Variants in RUBCNL observed in about 807,000 individuals in gnomAD.
RUBCNL encodes the protein protein associated with UVRAG as autophagy enhancer.
Under a neutral mutation model 69.5 loss-of-function variants are expected in RUBCNL, and 62 were observed. The ratio of observed to expected loss-of-function variants is 0.89; its 90% CI spans 0.73 to 1.10. The LOEUF is 1.10. Ranked by LOEUF, RUBCNL falls within the 50% of genes least tolerant of loss-of-function variation. The pLI is 0.00. For synonymous variants in RUBCNL, 291 were observed against 303.6 expected (o/e 0.96, Z 0.43); for missense variants, 768 against 798.1 (o/e 0.96, Z 0.45).
chr13:46,348,937 A>C (rs2048310063), intron 12 of RUBCNL, among the ~76,000 whole-genome samples: 1 of 151,984 alleles, frequency 6.6e-6, no homozygotes, highest in South Asian at 2.1e-4. Context: ...TTCCCCTGCA[A>C]ATGCTCTCTC....
At chr13:46,356,187 G>C (rs886489907) in intron 10 of RUBCNL, among the ~76,000 whole-genome samples, 4 of 152,194 alleles carry the variant, frequency 2.6e-5, no homozygotes, top group Non-Finnish European at 5.9e-5. Flanking sequence ...AGGAGGCCAC[G>C]TGGCTGGAGC....
chr13:46,363,242 C>A (rs1308772407), intron 5 of RUBCNL, 29 bp from the exon 6 acceptor site: 3 of 1,311,770 alleles, frequency 2.3e-6, no homozygotes, highest in East Asian at 5.4e-5. Flanking sequence ...GAGGTTTTTA[C>A]CAATAAGAAG....
In RUBCNL at chr13:46,343,111, A is replaced by T; in HGVS notation, c.*274T>A. The T allele has an allele frequency of 1.9e-6, 1 of 512,898 alleles. No individual in the cohort carries two copies. Among genetic ancestry groups the T allele is most frequent in the Non-Finnish European group, 3.4e-6 (1 of 291,180 alleles). 31.8% of individuals were successfully genotyped at this position (512,898 alleles called of 1,614,324 possible). ...ACTGGCTCAGCATCAGTGAAACATA[A>T]CTATTCAAATACAAAAGTATAAAAA... On this transcript the variant is annotated 3_prime_UTR_variant, in exon 15 of 15. Transcript: ENST00000429979.
intron 5 of RUBCNL, among the ~76,000 whole-genome samples, chr13:46,366,941 G>A (rs2048770048): frequency 6.6e-6 from 1 of 152,218 alleles, no homozygotes; most frequent in African/African-American, 2.4e-5. Flanking sequence ...CAAGCACTTA[G>A]AAGAGATGTC....
At chr13:46,378,750 G>A (rs1026067674) in intron 1 of RUBCNL, 1 of 152,262 alleles carries the variant, frequency 6.6e-6, no homozygotes, top group South Asian at 2.1e-4. Context: ...CCAGCACTTG[G>A]AGGGCAGAGC....
At chr13:46,382,484 C>T (rs2049139709) in intron 1 of RUBCNL, among the ~76,000 whole-genome samples, 1 of 152,048 alleles carries the variant, frequency 6.6e-6, no homozygotes, top group African/African-American at 2.4e-5. Context: ...TGACCACTAG[C>T]AATTGAGCAC....
chr13:46,378,847 A>G (rs1365512691), intron 1 of RUBCNL, among the ~76,000 whole-genome samples: 1 of 152,222 alleles, frequency 6.6e-6, no homozygotes, highest in Non-Finnish European at 1.5e-5. Flanking sequence ...AGGATTTTCT[A>G]TGCCCCAATA....
rs762560467 is a variant in RUBCNL, at chr13:46,372,389, C to T, written c.87G>A (p.Ser29=). The T allele has an allele frequency of 3.8e-5, 61 of 1,613,666 alleles. No individual in the cohort carries two copies. The highest frequency in any genetic ancestry group is 4.6e-5 in the Non-Finnish European group (54 of 1,179,818). ...ISDHSGIIDG[S]PRLLNTDHPP... ...GATGGTCAGTGTTCAGGAGTCTGGG[C>T]GAACCATCAATAATGCCAGAGTGAT... Residue 29 remains serine, a synonymous_variant, in exon 3 of 15, where the codon TCG becomes TCA. Coordinates refer to ENST00000429979, the MANE Select transcript of RUBCNL (RefSeq NM_025113.5).
intron 2 of RUBCNL, among the ~76,000 whole-genome samples, chr13:46,376,806 C>T (rs889176975): frequency 6.6e-6 from 1 of 152,220 alleles, no homozygotes; most frequent in African/African-American, 2.4e-5. Context: ...TTTGTATACA[C>T]ATCCATGGGA....
intron 5 of RUBCNL, among the ~76,000 whole-genome samples, chr13:46,363,445 A>G (rs2048677403): frequency 6.6e-6 from 1 of 152,222 alleles, no homozygotes; most frequent in South Asian, 2.1e-4. Context: ...TTCATCACAA[A>G]GAAGCTATCT....
chr13:46,363,030 T>C, intron 6 of RUBCNL, 85 bp downstream of exon 6: 1 of 514,530 alleles, frequency 1.9e-6, no homozygotes, highest in Non-Finnish European at 3.2e-6. Context: ...TGTAACGTAA[T>C]GTTGTGTGTG....
rs1031061331 is a variant in RUBCNL at position 46,336,380 on chromosome 13, C to A, written c.*7005G>T. Among the ~76,000 whole-genome samples the A allele has an allele frequency of 1.3e-5, 2 of 152,082 alleles. No homozygotes were observed. The highest frequency in any genetic ancestry group is 6.5e-5 in the Admixed American group (1 of 15,268). On this transcript the variant is annotated 3_prime_UTR_variant, in exon 15 of 15. Coordinates refer to ENST00000429979, the MANE Select transcript of RUBCNL (RefSeq NM_025113.5). Reference sequence around the variant, plus strand: ...CTTAAAAGTTGTATAGTACTGATCTCATTTATCATCTGTAATTTGTCATTA... The same window carrying A: ...CTTAAAAGTTGTATAGTACTGATCTAATTTATCATCTGTAATTTGTCATTA...
intron 13 of RUBCNL, 60 bp downstream of exon 13, chr13:46,345,387 G>A (rs2048223360): frequency 5.9e-6 from 9 of 1,522,320 alleles, no homozygotes; most frequent in African/African-American, 4.1e-5. Context: ...AGTCAAGTGC[G>A]GAACACCCAG....
chr13:46,371,837 G>A (rs2048881253), intron 3 of RUBCNL, 104 bp downstream of exon 3: 5 of 1,163,782 alleles, frequency 4.3e-6, no homozygotes, highest in Middle Eastern at 4.1e-4. Context: ...TATTAGATGA[G>A]GCAATGCATT....
In RUBCNL at chr13:46,337,291, T is replaced by A. The variant is rs911749339; in HGVS notation, c.*6094A>T. Among the ~76,000 whole-genome samples, 2 of 152,100 alleles carry A rather than the reference T, an allele frequency of 1.3e-5. No homozygotes were observed. The highest frequency in any genetic ancestry group is 2.9e-5 in the Non-Finnish European group (2 of 67,998). On this transcript the variant is annotated 3_prime_UTR_variant, in exon 15 of 15. Coordinates refer to ENST00000429979, the MANE Select transcript of RUBCNL (RefSeq NM_025113.5). ...CCGAGTAGCTGGGATTACAGGCACT[T>A]GCGACCACACCTAATTTTTGTATTT... is the stretch of plus-strand genomic sequence containing the variant.
intron 12 of RUBCNL, among the ~76,000 whole-genome samples, chr13:46,347,647 T>TA (rs113621950): frequency 1.3e-5 from 2 of 152,020 alleles, no homozygotes; most frequent in Admixed American, 6.6e-5. Flanking sequence ...ATAGATGGAT[T>TA]AAAAAAATGT....
chr13:46,351,214 T>A (rs1327113616), intron 10 of RUBCNL, among the ~76,000 whole-genome samples: 1 of 152,152 alleles, frequency 6.6e-6, no homozygotes, highest in Non-Finnish European at 1.5e-5. Context: ...GCCATCATCA[T>A]GTCACTGCAT....
At position 46,339,211 on chromosome 13, in the gene RUBCNL, C is replaced by T. The variant is rs1379255573; in HGVS notation, c.*4174G>A. Among the ~76,000 whole-genome samples the T allele has an allele frequency of 1.3e-4, 20 of 152,178 alleles. No homozygotes were observed. The highest frequency in any genetic ancestry group is 5.9e-5 in the Non-Finnish European group (4 of 68,024). On this transcript the variant is annotated 3_prime_UTR_variant, in exon 15 of 15. Coordinates refer to ENST00000429979, the MANE Select transcript of RUBCNL (RefSeq NM_025113.5). ...TGCTGAAGCTTCCCAATTGTGTCTG[C>T]AGCCTGCTACCTCAGCATTACTCAT...
intron 2 of RUBCNL, among the ~76,000 whole-genome samples, chr13:46,374,816 T>C (rs2048953822): frequency 1.3e-5 from 2 of 152,200 alleles, no homozygotes; most frequent in Admixed American, 1.3e-4. Context: ...CTGCAAGTTA[T>C]TGAACCCTAT....
Sources: gnomAD v4.1 joint callset for allele counts (sites outside exome capture counted in the v4.1 genomes callset) on GRCh38, gnomAD v4.1.1 for gene constraint, MANE v1.5 for transcripts, NCBI Gene and HGNC (gene_info 2026-07-23, HGNC 2026-07-21) for gene names.